Variants in FRMPD4 observed in about 807,000 individuals in gnomAD.
FRMPD4 encodes FERM and PDZ domain containing 4, also known as FERM and PDZ domain-containing protein 4.
Under a neutral mutation model 94.1 loss-of-function variants are expected in FRMPD4, and 22 were observed. That is an observed-to-expected ratio of 0.23 (90% CI 0.17 to 0.33). The LOEUF is 0.33. FRMPD4 is among the 10% of genes least tolerant of loss of function. The pLI is 1.00. For synonymous variants in FRMPD4, 631 were observed against 548.6 expected, an observed-to-expected ratio of 1.15 and a Z score of -2.10; for missense variants, 1,111 against 1,339.9, an observed-to-expected ratio of 0.83 and a Z score of 2.67.
chrX:11,933,602 T>A (rs2054133898), intron 3 of FRMPD4, among the ~76,000 whole-genome samples: 1 of 112,731 alleles, frequency 8.9e-6, no homozygotes, highest in South Asian at 3.6e-4. Flanking sequence ...GAATCAAAAA[T>A]GTCATTGTTT....
At chrX:12,194,438 A>T (rs1195603936) in intron 1 of FRMPD4, among the ~76,000 whole-genome samples, 1 of 106,384 alleles carries the variant, frequency 9.4e-6, no homozygotes, top group Non-Finnish European at 2.0e-5. Flanking sequence ...AAAAAAAAAA[A>T]GGTAGCAGAG....
At chrX:12,039,488 TTTC>T (rs1190284968) in intron 3 of FRMPD4, among the ~76,000 whole-genome samples, 2 of 111,535 alleles carry the variant, frequency 1.8e-5, no homozygotes, top group African/African-American at 6.5e-5. Flanking sequence ...TTCCTTTTTA[TTTC>T]TTCTTTACCT....
intron 1 of FRMPD4, among the ~76,000 whole-genome samples, chrX:11,844,622 T>C (rs2053562777): frequency 9.0e-6 from 1 of 111,571 alleles, no homozygotes; most frequent in South Asian, 3.7e-4. Flanking sequence ...TTTTTTTCTT[T>C]ATATGTAGTG....
intron 1 of FRMPD4, among the ~76,000 whole-genome samples, chrX:12,335,420 G>A (rs956444848): frequency 1.8e-5 from 2 of 112,006 alleles, no homozygotes; most frequent in Non-Finnish European, 3.8e-5. Context: ...GAGCCACTGT[G>A]CCTGGCCTAA....
chrX:11,983,342 C>T lies in FRMPD4; in HGVS notation c.95+105324C>T, dbSNP rs940534068. ...AGTATACTTCCATTACATTGTCTGC[C>T]TTAGATGGATCCTTGTCTTTATCTC... On this transcript the variant is annotated intron_variant, in intron 3 of 18. Transcript: ENST00000640291. Among the ~76,000 whole-genome samples, 3 of 111,780 alleles carry T rather than the reference C, an allele frequency of 2.7e-5. No individual in the cohort carries two copies. The South Asian group carries it at 1.1e-3, about 41-fold the overall frequency.
chrX:12,682,169 G>C (rs2059979337), intron 5 of FRMPD4, among the ~76,000 whole-genome samples: 1 of 112,349 alleles, frequency 8.9e-6, no homozygotes, highest in Non-Finnish European at 1.9e-5. Flanking sequence ...ATATTTTATT[G>C]TACAGATGGA....
At chrX:12,678,519 C>T (rs1000610860) in intron 5 of FRMPD4, among the ~76,000 whole-genome samples, 1 of 112,304 alleles carries the variant, frequency 8.9e-6, no homozygotes, top group Non-Finnish European at 1.9e-5. Flanking sequence ...TTACCTGAGA[C>T]AGAGAGTATT....
intron 1 of FRMPD4, among the ~76,000 whole-genome samples, chrX:12,382,579 A>ATAGCAT (rs1569254255): frequency 1.8e-5 from 2 of 108,442 alleles, no homozygotes; most frequent in Non-Finnish European, 3.9e-5. Flanking sequence ...ATAGCATAGC[A>ATAGCAT]AGCAATAATT....
At chrX:12,235,044 C>T (rs1456001861) in intron 1 of FRMPD4, among the ~76,000 whole-genome samples, 1 of 111,912 alleles carries the variant, frequency 8.9e-6, no homozygotes, top group African/African-American at 3.3e-5. Flanking sequence ...TGCTAAGCAC[C>T]AGGCTTATTA....
intron 2 of FRMPD4, among the ~76,000 whole-genome samples, chrX:12,513,578 G>A (rs2058066260): frequency 9.0e-6 from 1 of 111,722 alleles, no homozygotes; most frequent in South Asian, 3.7e-4. Context: ...TGGTCTATGT[G>A]TCCGTTTTTC....
At chrX:12,506,355 C>T (rs868394012) in intron 2 of FRMPD4, among the ~76,000 whole-genome samples, 24 of 111,446 alleles carry the variant, frequency 2.2e-4, no homozygotes, top group Middle Eastern at 9.3e-3. Context: ...ATGACACGAT[C>T]TCGGCTCACT....
intron 1 of FRMPD4, among the ~76,000 whole-genome samples, chrX:12,291,099 A>T (rs1170482956): frequency 9.0e-6 from 1 of 111,568 alleles, no homozygotes; most frequent in Non-Finnish European, 1.9e-5. Flanking sequence ...GTTGGGTAAA[A>T]AAATAAATAA....
At chrX:12,382,136 A>T (rs1031234796) in intron 1 of FRMPD4, among the ~76,000 whole-genome samples, 5 of 111,858 alleles carry the variant, frequency 4.5e-5, no homozygotes, top group Admixed American at 2.9e-4. Flanking sequence ...TGAGAATTTC[A>T]GTGAGCAGAA....
intron 1 of FRMPD4, among the ~76,000 whole-genome samples, chrX:12,207,457 T>C (rs2056705627): frequency 9.0e-6 from 1 of 110,767 alleles, no homozygotes; most frequent in African/African-American, 3.3e-5. Flanking sequence ...GTGCTAACTA[T>C]TGGACTATTT....
At chrX:11,906,316 T>G (rs1310747427) in intron 3 of FRMPD4, among the ~76,000 whole-genome samples, 2 of 108,907 alleles carry the variant, frequency 1.8e-5, no homozygotes, top group Non-Finnish European at 3.8e-5. Context: ...CCTGGCTAAT[T>G]TTTTGTATTT....
intron 16 of FRMPD4, 141 bp downstream of exon 16, chrX:12,718,931 T>C: frequency 2.3e-6 from 1 of 431,626 alleles, no homozygotes; most frequent in Non-Finnish European, 4.1e-6. Flanking sequence ...AAAGTACCAA[T>C]CATTGATCCC....
chrX:12,653,497 G>A (rs181991113), intron 4 of FRMPD4, among the ~76,000 whole-genome samples: 205 of 111,976 alleles, frequency 1.8e-3, no homozygotes, highest in Admixed American at 4.6e-3. Context: ...GCATAAAGCA[G>A]TAGAGGGGTT....
chrX:12,696,586 CAAAAA>C (rs57877846), intron 9 of FRMPD4, among the ~76,000 whole-genome samples: 9 of 30,059 alleles, frequency 3.0e-4, no homozygotes, highest in African/African-American at 8.4e-4. Flanking sequence ...AAAAATGAAG[CAAAAA>C]AAAAAAAAAA....
chrX:12,467,333 C>CT (rs2057460171), intron 1 of FRMPD4, among the ~76,000 whole-genome samples: 1 of 111,911 alleles, frequency 8.9e-6, no homozygotes, highest in Non-Finnish European at 1.9e-5. Context: ...AACACGGTTT[C>CT]TTTTTACAGC....
Sources: gnomAD v4.1 joint callset for allele counts (sites outside exome capture counted in the v4.1 genomes callset) on GRCh38, gnomAD v4.1.1 for gene constraint, MANE v1.5 for transcripts, NCBI Gene and HGNC (gene_info 2026-07-23, HGNC 2026-07-21) for gene names.